The following LUZP2 variants were observed in gnomAD, a reference collection of about 807,000 sequenced individuals.
The protein encoded by LUZP2 is leucine zipper protein 2.
LUZP2 carries 52 observed loss-of-function variants against 51.6 expected under a neutral mutation model. The ratio of observed to expected loss-of-function variants is 1.01; its 90% CI spans 0.81 to 1.27. The LOEUF (loss-of-function observed/expected upper bound fraction) is 1.27. LUZP2 is among the 50% of genes most tolerant of loss of function. The pLI, the probability that LUZP2 is intolerant of heterozygous loss-of-function variation, is 0.00. For missense variants in LUZP2, 436 were observed against 395.4 expected, an observed-to-expected ratio of 1.10 and a Z score of -0.87; for synonymous variants, 154 against 137.3, an observed-to-expected ratio of 1.12 and a Z score of -0.85.
chr11:24,810,537 G>A (rs1849989068), intron 5 of LUZP2, among the ~76,000 whole-genome samples: 2 of 151,952 alleles, frequency 1.3e-5, no homozygotes, highest in South Asian at 4.1e-4. Flanking sequence ...TCCGACAAAT[G>A]TTATTGTCTA....
At chr11:24,678,689 C>T (rs1856642869) in intron 1 of LUZP2, among the ~76,000 whole-genome samples, 1 of 152,190 alleles carries the variant, frequency 6.6e-6, no homozygotes, top group African/African-American at 2.4e-5. Flanking sequence ...TAGATTCTCA[C>T]TTTAATACAT....
rs1250321747 is a variant in LUZP2 at position 24,584,088 on chromosome 11, A to T, written c.62+86783A>T. Among the ~76,000 whole-genome samples, 3 of 152,202 alleles carry T rather than the reference A, an allele frequency of 2.0e-5. No homozygotes were observed. The East Asian group carries it at 5.8e-4, about 29-fold the overall frequency. ...TCAAATATATATCTATATAGAGAGA[A>T]TGCCTATCATATTCTAGACACTAAC... On this transcript the variant is annotated intron_variant, in intron 1 of 11. Coordinates refer to ENST00000336930, the MANE Select transcript of LUZP2 (RefSeq NM_001009909.4).
At chr11:24,853,287 G>A (rs1225713512) in intron 5 of LUZP2, among the ~76,000 whole-genome samples, 1 of 152,022 alleles carries the variant, frequency 6.6e-6, no homozygotes, top group Admixed American at 6.6e-5. Flanking sequence ...AAATCTCTCA[G>A]CATTTGCTTG....
intron 3 of LUZP2, among the ~76,000 whole-genome samples, chr11:24,734,133 A>G (rs2133975873): frequency 6.6e-6 from 1 of 151,918 alleles, no homozygotes; most frequent in Admixed American, 6.6e-5. Context: ...CAGGGTAGAA[A>G]GAAAAATGTA....
chr11:25,050,847 T>C (rs1858488050), intron 10 of LUZP2, among the ~76,000 whole-genome samples: 1 of 152,174 alleles, frequency 6.6e-6, no homozygotes, highest in African/African-American at 2.4e-5. Context: ...AGAGACATCA[T>C]TGTAGAGGAA....
At chr11:25,000,980 C>T (rs1190323430) in intron 9 of LUZP2, among the ~76,000 whole-genome samples, 1 of 152,076 alleles carries the variant, frequency 6.6e-6, no homozygotes, top group Non-Finnish European at 1.5e-5. Flanking sequence ...TAGCAGTGGC[C>T]ATTTCTAACC....
intron 5 of LUZP2, among the ~76,000 whole-genome samples, chr11:24,881,622 T>C (rs1206770325): frequency 2.0e-5 from 3 of 151,980 alleles, no homozygotes; most frequent in Non-Finnish European, 1.5e-5. Flanking sequence ...GGGAACACAA[T>C]GTTAGGAGTA....
chr11:25,011,217 G>A (rs148436176), intron 9 of LUZP2, among the ~76,000 whole-genome samples: 1 of 152,254 alleles, frequency 6.6e-6, no homozygotes, highest in Admixed American at 6.5e-5. Context: ...GTTAATGAAT[G>A]AATGATCTGA....
At chr11:24,513,116 T>C (rs1180400776) in intron 1 of LUZP2, among the ~76,000 whole-genome samples, 1 of 152,240 alleles carries the variant, frequency 6.6e-6, no homozygotes, top group Non-Finnish European at 1.5e-5. Flanking sequence ...TAATTACTAT[T>C]ATTTTAAGAA....
chr11:24,909,129 C>A (rs1853549815), intron 6 of LUZP2, among the ~76,000 whole-genome samples: 2 of 151,294 alleles, frequency 1.3e-5, no homozygotes, highest in Admixed American at 6.6e-5. Flanking sequence ...GTGAGGAAAA[C>A]CCCTAAAACA....
intron 5 of LUZP2, among the ~76,000 whole-genome samples, chr11:24,813,879 AC>A (rs1336481714): frequency 6.6e-6 from 1 of 152,194 alleles, no homozygotes; most frequent in Non-Finnish European, 1.5e-5. Context: ...TCAAATCCTA[AC>A]CTTCCAGTAC....
At chr11:24,745,653 T>A (rs1859351733) in intron 4 of LUZP2, among the ~76,000 whole-genome samples, 1 of 151,994 alleles carries the variant, frequency 6.6e-6, no homozygotes, top group Admixed American at 6.6e-5. Context: ...GTTGGCAAGC[T>A]TTTTGTTGTT....
intron 5 of LUZP2, among the ~76,000 whole-genome samples, chr11:24,901,400 TA>T (rs35888734): frequency 0.42 from 59,633 of 143,364 alleles, 13,825 homozygotes; most frequent in East Asian, 0.69. Flanking sequence ...CTCACTTCAT[TA>T]AAAAAAAAAA....
At chr11:24,771,514 G>A (rs1226806379) in intron 5 of LUZP2, among the ~76,000 whole-genome samples, 1 of 150,568 alleles carries the variant, frequency 6.6e-6, no homozygotes, top group Non-Finnish European at 1.5e-5. Flanking sequence ...TTTTCACAAA[G>A]ACAACACAGG....
At chr11:24,798,026 C>T (rs559048758) in intron 5 of LUZP2, among the ~76,000 whole-genome samples, 3 of 152,096 alleles carry the variant, frequency 2.0e-5, no homozygotes, top group African/African-American at 4.8e-5. Context: ...ATATAATAAT[C>T]GAGTTTGGTT....
At chr11:24,902,177 A>G (rs1348288399) in intron 5 of LUZP2, among the ~76,000 whole-genome samples, 1 of 152,134 alleles carries the variant, frequency 6.6e-6, no homozygotes, top group Non-Finnish European at 1.5e-5. Context: ...GTACATGTTC[A>G]GGGGTACATG....
At chr11:25,000,853 G>C (rs947545050) in intron 9 of LUZP2, among the ~76,000 whole-genome samples, 1 of 152,146 alleles carries the variant, frequency 6.6e-6, no homozygotes, top group South Asian at 2.1e-4. Context: ...ATTTGGGATT[G>C]TAGTTACTAT....
intron 10 of LUZP2, among the ~76,000 whole-genome samples, chr11:25,051,116 G>C (rs1024802728): frequency 4.6e-5 from 7 of 152,002 alleles, no homozygotes; most frequent in African/African-American, 1.7e-4. Flanking sequence ...TGATGATAAG[G>C]AGGAATAGAA....
At chr11:24,789,524 A>T (rs866876225) in intron 5 of LUZP2, among the ~76,000 whole-genome samples, 3 of 152,202 alleles carry the variant, frequency 2.0e-5, no homozygotes, top group Middle Eastern at 3.2e-3. Context: ...AGTCCTGATT[A>T]AATCATACAA....
Sources: allele counts gnomAD v4.1 joint callset (sites outside exome capture counted in the v4.1 genomes callset), GRCh38; gene constraint gnomAD v4.1.1; transcripts MANE v1.5; gene names NCBI Gene and HGNC (gene_info 2026-07-23, HGNC 2026-07-21).